NSUN3: variants seen among roughly 807,000 people sequenced by gnomAD.
The protein encoded by NSUN3 is NOP2/Sun RNA methyltransferase 3, also known as tRNA (cytosine(34)-C(5))-methyltransferase, mitochondrial.
In NSUN3, 24 loss-of-function variants were observed where a neutral mutation model predicts 36.8. The observed-to-expected ratio is 0.65, with a 90% confidence interval of 0.47 to 0.92. The LOEUF (loss-of-function observed/expected upper bound fraction) is 0.92. NSUN3 is among the 40% of genes least tolerant of loss of function. NSUN3 has a pLI of 0.00. For synonymous variants in NSUN3, 146 were observed against 145.2 expected, an observed-to-expected ratio of 1.01 and a Z score of -0.04; for missense variants, 381 against 392.8, an observed-to-expected ratio of 0.97 and a Z score of 0.25.
rs949110901 is a variant in NSUN3, at chr3:94,127,783, G to A, written c.*1293G>A. On this transcript the variant is annotated 3_prime_UTR_variant, in exon 6 of 6. Coordinates refer to ENST00000314622, the MANE Select transcript of NSUN3 (RefSeq NM_022072.5). The stretch of plus-strand genomic sequence containing the variant: ...TTATGTTCTGTGCCTTTAAACTAGA[G>A]ACTATTTGCTTATTAATATTTTTTG... The A allele has an allele frequency of 3.3e-5, 5 of 152,050 alleles. No homozygotes were observed. Among genetic ancestry groups the A allele is most frequent in the Non-Finnish European group, 7.4e-5 (5 of 68,008 alleles). The allele number at this position is 152,050 out of a possible 1,614,324, so 9.4% of individuals were successfully genotyped here.
chr3:94,084,387 G>T lies in NSUN3; in HGVS notation c.403G>T (p.Val135Phe), dbSNP rs780699805. The T allele has an allele frequency of 2.5e-6, 4 of 1,614,064 alleles. No individual in the cohort carries two copies. In the African/African-American group the frequency reaches 4.0e-5, roughly 16 times the overall value. ...TCTGGAATTAAGGGATGGGGAGAAGGTTCTGGATCTCTGTGCTGCTCCTGG... is the reference window on the plus strand; with the variant it reads ...TCTGGAATTAAGGGATGGGGAGAAGTTTCTGGATCTCTGTGCTGCTCCTGG... ...LALELRDGEKVLDLCAAPGGK... is the reference protein window; with the variant it reads ...LALELRDGEKFLDLCAAPGGK... Residue 135 changes from valine to phenylalanine, a missense_variant, in exon 3 of 6, where the codon GTT becomes TTT. By Grantham distance (50) the Val-to-Phe change is conservative (BLOSUM62 -1). Coordinates refer to ENST00000314622, the MANE Select transcript of NSUN3 (RefSeq NM_022072.5).
chr3:94,110,918 G>T (rs1391667926), intron 5 of NSUN3, among the ~76,000 whole-genome samples: 1 of 152,106 alleles, frequency 6.6e-6, no homozygotes, highest in East Asian at 1.9e-4. Flanking sequence ...ACCCTGGATT[G>T]TGAGGTTGAA....
At chr3:94,081,463 C>T (rs948368333) in intron 2 of NSUN3, 2 of 152,250 alleles carry the variant, frequency 1.3e-5, no homozygotes, top group East Asian at 1.9e-4. Flanking sequence ...ATTCAAAAAC[C>T]TTATCATATT....
intron 2 of NSUN3, among the ~76,000 whole-genome samples, chr3:94,073,860 A>G (rs952296483): frequency 3.9e-5 from 6 of 152,188 alleles, no homozygotes; most frequent in African/African-American, 9.7e-5. Flanking sequence ...TGTTTTAGAC[A>G]TGAAGTCTTT....
chr3:94,106,892 C>T (rs2077391798), intron 5 of NSUN3, among the ~76,000 whole-genome samples: 2 of 151,754 alleles, frequency 1.3e-5, no homozygotes, highest in South Asian at 2.1e-4. Context: ...GAAAAAATTC[C>T]CAAAATGCTT....
chr3:94,092,167 T>A (rs1302662608), intron 3 of NSUN3, among the ~76,000 whole-genome samples: 1 of 152,140 alleles, frequency 6.6e-6, no homozygotes, highest in Non-Finnish European at 1.5e-5. Flanking sequence ...GTTGTGGACT[T>A]TAACCAATGA....
chr3:94,094,591 A>G (rs2077329781), intron 4 of NSUN3, among the ~76,000 whole-genome samples: 2 of 152,236 alleles, frequency 1.3e-5, no homozygotes, highest in African/African-American at 4.8e-5. Context: ...GCTTTAATTC[A>G]GTAACATTTC....
chr3:94,117,414 A>T (rs1272277856), intron 5 of NSUN3, among the ~76,000 whole-genome samples: 1 of 152,172 alleles, frequency 6.6e-6, no homozygotes, highest in Non-Finnish European at 1.5e-5. Context: ...TCAAAAATCT[A>T]TTGAGGATTT....
At chr3:94,094,114 G>T (rs748324756) in intron 3 of NSUN3, 26 bp from the exon 4 acceptor site, 1 of 1,531,642 alleles carries the variant, frequency 6.5e-7, no homozygotes, top group Admixed American at 2.2e-5. Context: ...GCCTTCATTT[G>T]AAACTTTTTA....
chr3:94,122,151 TA>T (rs753343062), intron 5 of NSUN3, among the ~76,000 whole-genome samples: 1,123 of 57,066 alleles, frequency 0.02, 6 homozygotes, highest in African/African-American at 0.045. Flanking sequence ...TCCCCCCACC[TA>T]AAAAAAAAAA....
intron 5 of NSUN3, among the ~76,000 whole-genome samples, chr3:94,104,310 C>T (rs1281530594): frequency 6.6e-6 from 1 of 152,146 alleles, no homozygotes; most frequent in Non-Finnish European, 1.5e-5. Context: ...TTCTCTTGTG[C>T]CACTTGATTG....
intron 3 of NSUN3, among the ~76,000 whole-genome samples, chr3:94,089,107 A>G (rs2077304683): frequency 6.6e-6 from 1 of 152,252 alleles, no homozygotes; most frequent in Non-Finnish European, 1.5e-5. Context: ...TAACAAATTA[A>G]TCATTGCCAT....
rs1351511799 is a variant in NSUN3, at chr3:94,126,735, G to C, written c.*245G>C. 5.3e-6 allele frequency: 2 copies of C among 379,292 alleles called. No individual in the cohort carries two copies. The highest frequency in any genetic ancestry group is 9.4e-6 in the Non-Finnish European group (2 of 212,026). 23.5% of individuals were successfully genotyped at this position (379,292 alleles called of 1,614,324 possible). The stretch of plus-strand genomic sequence containing the variant: ...GTTTGTTCTATATTATAAATCTGCT[G>C]TCTTTGCTTGGCATTTTATAGTTAA... On this transcript the variant is annotated 3_prime_UTR_variant, in exon 6 of 6. Coordinates refer to ENST00000314622, the MANE Select transcript of NSUN3 (RefSeq NM_022072.5).
intron 5 of NSUN3, among the ~76,000 whole-genome samples, chr3:94,102,929 C>T (rs1259877894): frequency 6.6e-6 from 1 of 151,840 alleles, no homozygotes; most frequent in East Asian, 1.9e-4. Flanking sequence ...CTCTGTTGCC[C>T]AGGCTGGAGT....
At chr3:94,086,155 G>A (rs957689578) in intron 3 of NSUN3, among the ~76,000 whole-genome samples, 8 of 152,024 alleles carry the variant, frequency 5.3e-5, no homozygotes, top group African/African-American at 1.9e-4. Flanking sequence ...TGTTGGCCAG[G>A]CTGGTCTCAA....
At chr3:94,126,098 G>T in intron 5 of NSUN3, 113 bp from the exon 6 acceptor site, 1 of 766,930 alleles carries the variant, frequency 1.3e-6, no homozygotes, top group Non-Finnish European at 2.0e-6. Context: ...CAAAGTAATT[G>T]CAGTCTAAGT....
chr3:94,095,913 A>ATTTTTTTT (rs60524751), intron 5 of NSUN3, among the ~76,000 whole-genome samples: 3 of 124,514 alleles, frequency 2.4e-5, no homozygotes, highest in Non-Finnish European at 3.3e-5. Flanking sequence ...AGCCTAGCTA[A>ATTTTTTTT]TTTTTTTTTT....
Position 94,095,038 on chromosome 3 carries a change from A to G in NSUN3, c.627A>G (p.Leu209=). 6.2e-7 allele frequency: 1 copy of G among 1,613,792 alleles called. No individual in the cohort carries two copies. The highest frequency in any genetic ancestry group is 8.5e-7 in the Non-Finnish European group (1 of 1,179,788). The change falls in exon 5 of 6, where the codon TTA becomes TTG. Residue 209 remains leucine (L), a synonymous_variant. Coordinates refer to ENST00000314622, the MANE Select transcript of NSUN3 (RefSeq NM_022072.5). Reference sequence around the variant, plus strand: ...CTTGTCTTTTTTTTCTCTAGGTGTTAGTGGATGCTCCGTGTTCAAATGATC... The same window carrying G: ...CTTGTCTTTTTTTTCTCTAGGTGTTGGTGGATGCTCCGTGTTCAAATGATC... The part of the protein sequence containing the change: ...DAQPEMFDKV[L]VDAPCSNDRS...
At chr3:94,120,431 ACTT>A (rs2077456555) in intron 5 of NSUN3, among the ~76,000 whole-genome samples, 1 of 152,024 alleles carries the variant, frequency 6.6e-6, no homozygotes, top group African/African-American at 2.4e-5. Flanking sequence ...CATTCCCTTC[ACTT>A]CTTAGCCCCT....
Sources: allele counts gnomAD v4.1 joint callset (sites outside exome capture counted in the v4.1 genomes callset), GRCh38; gene constraint gnomAD v4.1.1; transcripts MANE v1.5; gene names NCBI Gene and HGNC (gene_info 2026-07-23, HGNC 2026-07-21).